CATIP: variants seen among roughly 807,000 people sequenced by gnomAD.
The protein encoded by CATIP is ciliogenesis-associated TTC17-interacting protein.
CATIP carries 40 observed loss-of-function variants against 42.5 expected under a neutral mutation model. That is an observed-to-expected ratio of 0.94 (90% CI 0.73 to 1.22). CATIP has a LOEUF of 1.22. CATIP is among the 50% of genes most tolerant of loss of function. CATIP has a pLI of 0.00. For missense variants in CATIP, 489 were observed against 496.0 expected, an observed-to-expected ratio of 0.99 and a Z score of 0.13; for synonymous variants, 222 against 200.2, an observed-to-expected ratio of 1.11 and a Z score of -0.92.
At chr2:218,364,361 C>A (rs571156389) in intron 6 of CATIP, among the ~76,000 whole-genome samples, 1,043 of 91,800 alleles carry the variant, frequency 0.011, 13 homozygotes, top group African/African-American at 0.041. Flanking sequence ...CGCTCCCACA[C>A]CCCCCCGCAT....
At chr2:218,363,711 C>T (rs1379976475) in intron 6 of CATIP, among the ~76,000 whole-genome samples, 1 of 151,272 alleles carries the variant, frequency 6.6e-6, no homozygotes, top group African/African-American at 2.4e-5. Context: ...GAGGCTGAGG[C>T]AGGAGAAGCA....
At chr2:218,358,802 G>A (rs904996167) in intron 4 of CATIP, among the ~76,000 whole-genome samples, 7 of 150,300 alleles carry the variant, frequency 4.7e-5, no homozygotes, top group East Asian at 3.9e-4. Flanking sequence ...AAGGTTCAGC[G>A]GAGCCCAGGA....
rs374320664 is a variant in CATIP, at chr2:218,363,293, A to G, written c.630+391A>G. Reference sequence around the variant, plus strand: ...CAGGAGATCTAGACCATCCTGGCTAACATGGTGAAACCCCGCCTCTACTAA... The same window carrying G: ...CAGGAGATCTAGACCATCCTGGCTAGCATGGTGAAACCCCGCCTCTACTAA... On this transcript the variant is annotated intron_variant, in intron 6 of 9. Transcript: ENST00000289388. Among the ~76,000 whole-genome samples the G allele has an allele frequency of 8.7e-5, 13 of 149,752 alleles. No individual in the cohort carries two copies. The East Asian group carries it at 1.8e-3, about 21-fold the overall frequency.
chr2:218,358,201 A>C, intron 4 of CATIP, 109 bp downstream of exon 4: 1 of 825,788 alleles, frequency 1.2e-6, no homozygotes, highest in South Asian at 1.6e-5. Flanking sequence ...TACACAGTGA[A>C]GCTGAAGAAT....
intron 7 of CATIP, chr2:218,365,740 G>A (rs963700986): frequency 6.6e-6 from 1 of 151,962 alleles, no homozygotes; most frequent in African/African-American, 2.4e-5. Context: ...TTTTTATTTT[G>A]AATGCCGCAT....
chr2:218,357,452 C>A, intron 2 of CATIP, 82 bp from the exon 3 acceptor site: 2 of 1,181,338 alleles, frequency 1.7e-6, no homozygotes, highest in Non-Finnish European at 2.5e-6. Flanking sequence ...ACTGTGGGGA[C>A]ACTGGTGGTC....
At chr2:218,364,795 G>C in intron 7 of CATIP, 43 bp downstream of exon 7, 7 of 1,588,296 alleles carry the variant, frequency 4.4e-6, no homozygotes, top group Non-Finnish European at 6.0e-6. Context: ...TGCTGAGCTT[G>C]TAGGTGCTCA....
Position 218,364,737 on chromosome 2 carries a change from A to G in CATIP, c.740A>G (p.Tyr247Cys). Reference protein sequence around the residue: ...EEGIPMSCQYYLLSDGHLAKR... With the variant: ...EEGIPMSCQYCLLSDGHLAKR... ...GGCATCCCCATGTCCTGCCAGTACT[A>G]CCTGCTCTCCGATGGGTGAGCTGCT... The change falls in exon 7 of 10, where the codon TAC becomes TGC. Residue 247 changes from tyrosine to cysteine, a missense_variant. Coordinates refer to ENST00000289388, the MANE Select transcript of CATIP (RefSeq NM_198559.2). 1 of 1,613,290 alleles carries G rather than the reference A, an allele frequency of 6.2e-7. No homozygotes were observed. The highest frequency in any genetic ancestry group is 1.7e-5 in the Admixed American group (1 of 59,944).
chr2:218,363,512 C>CTT (rs1012944050), intron 6 of CATIP, among the ~76,000 whole-genome samples: 7 of 141,286 alleles, frequency 5.0e-5, no homozygotes, highest in African/African-American at 1.9e-4. Context: ...AAAAAAAAAA[C>CTT]GTCATTTTGG....
intron 4 of CATIP, among the ~76,000 whole-genome samples, chr2:218,359,364 A>AAAAAAAAAAAAAAAG (rs1695155999): frequency 1.4e-5 from 2 of 144,674 alleles, no homozygotes; most frequent in African/African-American, 5.2e-5. Context: ...AAAAAAAAAA[A>AAAAAAAAAAAAAAAG]TGTTGGGGAT....
intron 7 of CATIP, chr2:218,365,466 GTTTTTTTGT>G (rs1400847000): frequency 1.9e-4 from 28 of 147,848 alleles, no homozygotes; most frequent in African/African-American, 7.2e-4. Context: ...GTTTCTTTCT[GTTTTTTTGT>G]TTTGTTTTGT....
At chr2:218,359,336 T>C in intron 4 of CATIP, among the ~76,000 whole-genome samples, 2 of 99,982 alleles carry the variant, frequency 2.0e-5, no homozygotes, top group African/African-American at 5.7e-5. Context: ...AGCGAGACTC[T>C]GTCTCAAAAA....
At chr2:218,360,698 G>A (rs934481675) in intron 5 of CATIP, 39 bp downstream of exon 5, 1 of 1,468,586 alleles carries the variant, frequency 6.8e-7, no homozygotes, top group Non-Finnish European at 9.5e-7. Context: ...ACTACACACT[G>A]TGAACCCAGA....
intron 6 of CATIP, among the ~76,000 whole-genome samples, chr2:218,363,746 T>C (rs970804365): frequency 2.0e-5 from 3 of 151,826 alleles, no homozygotes; most frequent in Non-Finnish European, 4.4e-5. Flanking sequence ...GAGGCGGAGG[T>C]TGCAGTGAGC....
At chr2:218,362,307 C>T (rs975839971) in intron 5 of CATIP, among the ~76,000 whole-genome samples, 3 of 146,960 alleles carry the variant, frequency 2.0e-5, no homozygotes, top group African/African-American at 5.1e-5. Flanking sequence ...GAGCTGAGAT[C>T]GCACCACTGC....
rs1011065762 is a variant in CATIP, at chr2:218,358,075, A to G, written c.358A>G (p.Ser120Gly). 1.9e-6 allele frequency: 3 copies of G among 1,613,982 alleles called. No homozygotes were observed. The African/African-American group carries it at 4.0e-5, about 22-fold the overall frequency. Residue 120 changes from serine (S) to glycine (G), a missense_variant, in exon 4 of 10, where the codon AGC (serine) becomes GGC (glycine). Coordinates refer to ENST00000289388, the MANE Select transcript of CATIP (RefSeq NM_198559.2). Reference protein sequence around the residue: ...SEKLELMEQHSQDFIKFLILP... With the variant: ...SEKLELMEQHGQDFIKFLILP... ...GAAGCTGGAGCTCATGGAACAGCAC[A>G]GCCAAGACTTCATCAAGGTACTTCC...
At position 218,367,721 on chromosome 2, in the gene CATIP, G is replaced by A. The variant is rs1239309350; in HGVS notation, c.922-1G>A. The A allele has an allele frequency of 6.3e-7, 1 of 1,594,114 alleles. No homozygotes were observed. The stretch of plus-strand genomic sequence containing the variant: ...GAGGCTCGGGCTCTGTCCCCTGCCA[G>A]GAGGAGCTCCGGCTCGGCCACGCCA... On this transcript the variant is annotated splice_acceptor_variant, in intron 9 of 9. Transcript: ENST00000289388. LOFTEE classifies it high-confidence loss of function.
chr2:218,356,872 G>A lies in CATIP; in HGVS notation c.-13G>A, dbSNP rs1294084136. ...ACAGCTGGACACAGACCGGGTAGAG[G>A]CAGGCCCACAGCATGTCCTCCAAGG... On this transcript the variant is annotated 5_prime_UTR_variant, in exon 1 of 10. Coordinates refer to ENST00000289388, the MANE Select transcript of CATIP (RefSeq NM_198559.2). 6.2e-7 allele frequency: 1 copy of A among 1,614,044 alleles called. No homozygotes were observed. The highest frequency in any genetic ancestry group is 1.7e-5 in the Admixed American group (1 of 60,018).
chr2:218,359,364 A>AAAAAAAAAAAAAAAAAAAAAG (rs1695155999), intron 4 of CATIP, among the ~76,000 whole-genome samples: 2 of 144,674 alleles, frequency 1.4e-5, no homozygotes, highest in African/African-American at 5.2e-5. Flanking sequence ...AAAAAAAAAA[A>AAAAAAAAAAAAAAAAAAAAAG]TGTTGGGGAT....
Sources: allele counts gnomAD v4.1 joint callset (sites outside exome capture counted in the v4.1 genomes callset), GRCh38; gene constraint gnomAD v4.1.1; transcripts MANE v1.5; gene names NCBI Gene and HGNC (gene_info 2026-07-23, HGNC 2026-07-21).